MBD5: variants seen among roughly 807,000 people sequenced by gnomAD.
The protein encoded by MBD5 is methyl-CpG binding domain protein 5.
MBD5 carries 13 observed loss-of-function variants against 117.3 expected under a neutral mutation model. The observed-to-expected ratio is 0.11, with a 90% CI of 0.07 to 0.18. The LOEUF is 0.18. MBD5 is among the 10% of genes least tolerant of loss of function. The pLI is 1.00. For missense variants in MBD5, 1,879 were observed against 2,093.8 expected (o/e 0.90, Z 2.00); for synonymous variants, 727 against 766.4 (o/e 0.95, Z 0.85).
intron 2 of MBD5, among the ~76,000 whole-genome samples, chr2:148,230,074 G>C (rs148395170): frequency 6.6e-6 from 1 of 152,154 alleles, no homozygotes; most frequent in Non-Finnish European, 1.5e-5. Context: ...TTCACTCAAG[G>C]CTTTAGGGCT....
At chr2:148,091,405 C>G (rs1188119602) in intron 1 of MBD5, among the ~76,000 whole-genome samples, 2 of 152,140 alleles carry the variant, frequency 1.3e-5, no homozygotes, top group African/African-American at 4.8e-5. Context: ...TGACTTCAAA[C>G]TGTACTACAA....
intron 1 of MBD5, among the ~76,000 whole-genome samples, chr2:148,042,368 A>G (rs967793338): frequency 6.6e-6 from 1 of 152,144 alleles, no homozygotes; most frequent in Admixed American, 6.5e-5. Context: ...ATATGCCTCT[A>G]TGAGGAAGAA....
At chr2:148,265,795 T>C (rs918166895) in intron 3 of MBD5, among the ~76,000 whole-genome samples, 1 of 152,150 alleles carries the variant, frequency 6.6e-6, no homozygotes, top group Non-Finnish European at 1.5e-5. Context: ...GTTCAACGAG[T>C]ATTTTTGAGA....
chr2:148,402,957 T>C (rs1047298718), intron 4 of MBD5, among the ~76,000 whole-genome samples: 7 of 152,208 alleles, frequency 4.6e-5, no homozygotes, highest in African/African-American at 1.4e-4. Context: ...TCAGTTTCAT[T>C]TCTCGCTCTG....
chr2:148,241,008 G>A lies in MBD5; in HGVS notation c.-680+7613G>A, dbSNP rs150733375. ...TGATGATCTTTTTCTTTATGTTCTC[G>A]GTAATAGCTGCCATAAGGTACATGT... On this transcript the variant is annotated intron_variant, in intron 3 of 13. Transcript: ENST00000642680. Among the ~76,000 whole-genome samples the A allele has an allele frequency of 1.2e-3, 181 of 151,250 alleles. 2 individuals are homozygous for A. The East Asian group carries it at 0.021, about 18-fold the overall frequency.
At position 148,514,544 on chromosome 2, in the gene MBD5, C is replaced by G. The variant is rs541424727; in HGVS notation, c.*1603C>G. On this transcript the variant is annotated 3_prime_UTR_variant, in exon 14 of 14. Coordinates refer to ENST00000642680, the MANE Select transcript of MBD5 (RefSeq NM_001378120.1). Reference sequence around the variant, plus strand: ...CCCCTAGAGAGCACTGCCTCGTCCTCTAGCCTGGGGCTCACACAACAGTCT... The same window carrying G: ...CCCCTAGAGAGCACTGCCTCGTCCTGTAGCCTGGGGCTCACACAACAGTCT... 1 of 152,374 alleles carries G rather than the reference C, an allele frequency of 6.6e-6. No individual in the cohort carries two copies. Among genetic ancestry groups the G allele is most frequent in the East Asian group, 1.9e-4 (1 of 5,190 alleles). The allele number at this position is 152,374 out of a possible 1,614,324, so 9.4% of individuals were successfully genotyped here.
chr2:148,366,207 T>A lies in MBD5; in HGVS notation c.-557+23871T>A, dbSNP rs182610725. 2.2e-3 allele frequency among the ~76,000 whole-genome samples: 338 copies of A among 151,906 alleles called. 1 individual carries two copies. Among genetic ancestry groups the A allele is most frequent in the African/African-American group, 7.8e-3 (324 of 41,440 alleles). On this transcript the variant is annotated intron_variant, in intron 4 of 13. Transcript: ENST00000642680. ...CAATAAATGCAATCCATGACATAAA[T>A]AGAACAAATGACAAAAACCACATGA...
intron 8 of MBD5, among the ~76,000 whole-genome samples, chr2:148,479,384 A>G (rs1681073040): frequency 6.6e-6 from 1 of 152,202 alleles, no homozygotes; most frequent in South Asian, 2.1e-4. Context: ...ACACCAACAC[A>G]TAGCATCAAA....
intron 4 of MBD5, among the ~76,000 whole-genome samples, chr2:148,448,416 G>A (rs1435892037): frequency 6.6e-6 from 1 of 151,902 alleles, no homozygotes; most frequent in Non-Finnish European, 1.5e-5. Flanking sequence ...ATTTGGGTGG[G>A]TTTCTTCAGT....
At chr2:148,413,927 AC>A (rs746812028) in intron 4 of MBD5, among the ~76,000 whole-genome samples, 51 of 147,368 alleles carry the variant, frequency 3.5e-4, no homozygotes, top group Non-Finnish European at 7.0e-4. Flanking sequence ...AAAAAAAGCC[AC>A]CTTTGGATTT....
chr2:148,325,197 G>A (rs1207017031), intron 3 of MBD5, among the ~76,000 whole-genome samples: 1 of 152,132 alleles, frequency 6.6e-6, no homozygotes, highest in East Asian at 1.9e-4. Context: ...ACCTGATCAT[G>A]GTGGATAAGC....
At chr2:148,081,948 T>A (rs1695658067) in intron 1 of MBD5, among the ~76,000 whole-genome samples, 1 of 152,232 alleles carries the variant, frequency 6.6e-6, no homozygotes. Flanking sequence ...CCATAGCTAA[T>A]ACACTTATTA....
At chr2:148,260,463 T>C (rs1700706484) in intron 3 of MBD5, 1 of 152,646 alleles carries the variant, frequency 6.6e-6, no homozygotes, top group Non-Finnish European at 1.5e-5. Context: ...ACTGAAGTTT[T>C]GAACTCATTA....
Position 148,490,435 on chromosome 2 carries a change from C to T in MBD5, c.4803C>T (p.Asp1601=). The change falls in exon 11 of 14, where the codon GAC becomes GAT. Residue 1601 remains aspartate (D), a synonymous_variant. Coordinates refer to ENST00000642680, the MANE Select transcript of MBD5 (RefSeq NM_001378120.1). The stretch of plus-strand genomic sequence containing the variant: ...GTGAAGATGACCTAAGGAACCCAGA[C>T]TCCCCCTCTTCAAATGAATTGATAC... The part of the protein sequence containing the change: ...ISSEDDLRNP[D]SPSSNELIHY... 2 of 1,614,192 alleles carry T rather than the reference C, an allele frequency of 1.2e-6. No individual in the cohort carries two copies. The highest frequency in any genetic ancestry group is 1.7e-6 in the Non-Finnish European group (2 of 1,180,038).
chr2:148,107,008 G>A (rs1558928431), intron 1 of MBD5, among the ~76,000 whole-genome samples: 1 of 151,846 alleles, frequency 6.6e-6, no homozygotes, highest in Non-Finnish European at 1.5e-5. Context: ...TTGCCTGGAA[G>A]GATATCAACT....
intron 4 of MBD5, among the ~76,000 whole-genome samples, chr2:148,433,898 TTTG>T (rs1051860567): frequency 2.6e-5 from 4 of 151,882 alleles, no homozygotes; most frequent in African/African-American, 9.7e-5. Context: ...CCTCCCCGTT[TTTG>T]TTGTTGTTGT....
intron 1 of MBD5, among the ~76,000 whole-genome samples, chr2:148,023,482 A>AT (rs914823258): frequency 6.6e-6 from 1 of 152,110 alleles, no homozygotes; most frequent in African/African-American, 2.4e-5. Flanking sequence ...AATTTGAACA[A>AT]TTTTTTACCT....
intron 4 of MBD5, among the ~76,000 whole-genome samples, chr2:148,360,223 A>G (rs184708128): frequency 1.1e-3 from 175 of 152,274 alleles, no homozygotes; most frequent in African/African-American, 3.0e-3. Flanking sequence ...CATTATTATC[A>G]TATCTGTTTG....
intron 1 of MBD5, among the ~76,000 whole-genome samples, chr2:148,042,048 A>G (rs918904054): frequency 2.6e-5 from 4 of 152,288 alleles, no homozygotes; most frequent in African/African-American, 7.2e-5. Flanking sequence ...GTTGTTTACT[A>G]TTTACTTTTA....
Sources: allele counts gnomAD v4.1 joint callset (sites outside exome capture counted in the v4.1 genomes callset), GRCh38; gene constraint gnomAD v4.1.1; transcripts MANE v1.5; gene names NCBI Gene and HGNC (gene_info 2026-07-23, HGNC 2026-07-21).